The following MSRA variants were observed in gnomAD, a reference collection of about 807,000 sequenced individuals.
MSRA encodes mitochondrial peptide methionine sulfoxide reductase.
MSRA carries 54 observed loss-of-function variants against 31.3 expected under a neutral mutation model. That is an observed-to-expected ratio of 1.73 (90% CI 1.39 to 2.17). The LOEUF is 2.17. Ranked by LOEUF, MSRA falls within the 30% of genes most tolerant of loss-of-function variation. The probability of loss-of-function intolerance (pLI) is 0.00; values close to 1 mark genes in which losing one functional copy is unlikely to be tolerated. For missense variants in MSRA, 507 were observed against 300.9 expected, an observed-to-expected ratio of 1.69 and a Z score of -5.07; for synonymous variants, 169 against 116.5, an observed-to-expected ratio of 1.45 and a Z score of -2.90.
chr8:10,391,714 A>G (rs1018740184), intron 5 of MSRA, among the ~76,000 whole-genome samples: 14 of 152,172 alleles, frequency 9.2e-5, no homozygotes, highest in Non-Finnish European at 1.5e-4. Flanking sequence ...CAGCTCTGCC[A>G]CCTGCTTTCC....
chr8:10,153,247 G>A (rs930705119), intron 1 of MSRA, among the ~76,000 whole-genome samples: 3 of 152,180 alleles, frequency 2.0e-5, no homozygotes, highest in East Asian at 1.9e-4. Flanking sequence ...TGGCTGGACC[G>A]TTGTCTGGGG....
At chr8:10,167,289 C>G (rs1805225654) in intron 1 of MSRA, among the ~76,000 whole-genome samples, 1 of 152,194 alleles carries the variant, frequency 6.6e-6, no homozygotes, top group South Asian at 2.1e-4. Context: ...GCCGATACTG[C>G]TCTGTCCATT....
At chr8:10,389,717 C>A (rs1377202901) in intron 5 of MSRA, among the ~76,000 whole-genome samples, 1 of 145,552 alleles carries the variant, frequency 6.9e-6, no homozygotes, top group East Asian at 2.0e-4. Context: ...CACCCTGGTG[C>A]TGTACTGTTT....
intron 5 of MSRA, among the ~76,000 whole-genome samples, chr8:10,374,702 G>A (rs1381393490): frequency 6.6e-6 from 1 of 152,134 alleles, no homozygotes; most frequent in African/African-American, 2.4e-5. Context: ...GAAATCTCTT[G>A]TGCATTTGAA....
chr8:10,373,441 A>C (rs887298623), intron 5 of MSRA, among the ~76,000 whole-genome samples: 1 of 152,196 alleles, frequency 6.6e-6, no homozygotes, highest in African/African-American at 2.4e-5. Flanking sequence ...ATCCCTGCTC[A>C]CTGCAGCCTT....
chr8:10,176,834 T>C (rs1806098447), intron 1 of MSRA, among the ~76,000 whole-genome samples: 1 of 152,220 alleles, frequency 6.6e-6, no homozygotes, highest in Admixed American at 6.5e-5. Flanking sequence ...CAACTGGAAC[T>C]TCTGGTCATC....
chr8:10,238,841 A>G (rs754790395), intron 2 of MSRA, among the ~76,000 whole-genome samples: 7 of 152,198 alleles, frequency 4.6e-5, no homozygotes, highest in Non-Finnish European at 7.3e-5. Flanking sequence ...ATCTTTATAT[A>G]TGGATGGACT....
At chr8:10,061,132 T>G (rs1371957819) in intron 1 of MSRA, among the ~76,000 whole-genome samples, 7 of 152,192 alleles carry the variant, frequency 4.6e-5, no homozygotes, top group Admixed American at 4.6e-4. Context: ...CCTCCCACAA[T>G]GTGATCCTTA....
At chr8:10,141,998 T>A (rs560018418) in intron 1 of MSRA, among the ~76,000 whole-genome samples, 9 of 152,174 alleles carry the variant, frequency 5.9e-5, no homozygotes, top group African/African-American at 9.7e-5. Context: ...CGCACTTGTT[T>A]CCCAGTCTGG....
In MSRA at chr8:10,115,999, C is replaced by T. The variant is rs528741815; in HGVS notation, c.142+61341C>T. 3.3e-5 allele frequency among the ~76,000 whole-genome samples: 5 copies of T among 152,326 alleles called. No homozygotes were observed. The East Asian group carries it at 9.7e-4, about 29-fold the overall frequency. ...CTCCCACTTGATTCACGCATGGTGGCTCGAGGGGACAGAGATGTGAGATCG... is the reference window on the plus strand; with the variant it reads ...CTCCCACTTGATTCACGCATGGTGGTTCGAGGGGACAGAGATGTGAGATCG... On this transcript the variant is annotated intron_variant, in intron 1 of 5. Transcript: ENST00000317173.
At chr8:10,148,942 G>C (rs950446300) in intron 1 of MSRA, among the ~76,000 whole-genome samples, 1 of 142,808 alleles carries the variant, frequency 7.0e-6, no homozygotes, top group African/African-American at 2.6e-5. Flanking sequence ...TGGCGATTGT[G>C]TGTGTCGCTG....
chr8:10,414,722 C>T (rs1011409071), intron 5 of MSRA, among the ~76,000 whole-genome samples: 6 of 152,344 alleles, frequency 3.9e-5, no homozygotes, highest in African/African-American at 1.4e-4. Flanking sequence ...TTCCTTTTAA[C>T]AAAATCTGCA....
intron 3 of MSRA, among the ~76,000 whole-genome samples, chr8:10,245,453 A>G (rs1797574326): frequency 6.6e-6 from 1 of 152,226 alleles, no homozygotes; most frequent in Non-Finnish European, 1.5e-5. Flanking sequence ...CCACTCTAAA[A>G]CATGGTGGCT....
chr8:10,190,213 C>T (rs1024590940), intron 1 of MSRA, among the ~76,000 whole-genome samples: 2 of 152,090 alleles, frequency 1.3e-5, no homozygotes, highest in South Asian at 4.1e-4. Context: ...GCATGAGGAC[C>T]TTCCGTTGAG....
At chr8:10,137,471 C>T (rs140323970) in intron 1 of MSRA, among the ~76,000 whole-genome samples, 141 of 152,232 alleles carry the variant, frequency 9.3e-4, no homozygotes, top group African/African-American at 3.2e-3. Flanking sequence ...TTATTCTGTG[C>T]CCTGTTTCAT....
chr8:10,346,265 T>A (rs1803768197), intron 5 of MSRA, among the ~76,000 whole-genome samples: 1 of 152,048 alleles, frequency 6.6e-6, no homozygotes, highest in Admixed American at 6.6e-5. Flanking sequence ...AATATGGGAG[T>A]ATAGATTCAG....
intron 1 of MSRA, among the ~76,000 whole-genome samples, chr8:10,125,860 G>C (rs191235955): frequency 7.9e-5 from 12 of 152,110 alleles, no homozygotes; most frequent in African/African-American, 2.6e-4. Flanking sequence ...ACAACAATGC[G>C]TCATCCTTTA....
chr8:10,200,761 T>C (rs1026108862), intron 1 of MSRA, among the ~76,000 whole-genome samples: 7 of 152,206 alleles, frequency 4.6e-5, no homozygotes, highest in Non-Finnish European at 1.0e-4. Context: ...TCGCACATTG[T>C]AGGAGCTGTG....
chr8:10,269,000 C>A (rs1290777005), intron 3 of MSRA, among the ~76,000 whole-genome samples: 1 of 152,194 alleles, frequency 6.6e-6, no homozygotes, highest in Non-Finnish European at 1.5e-5. Context: ...AAGGCATAGC[C>A]CGCAAACCCA....
Sources: allele counts gnomAD v4.1 joint callset (sites outside exome capture counted in the v4.1 genomes callset), GRCh38; gene constraint gnomAD v4.1.1; transcripts MANE v1.5; gene names NCBI Gene and HGNC (gene_info 2026-07-23, HGNC 2026-07-21).